The following MLLT3 variants were observed in gnomAD, a reference collection of about 807,000 sequenced individuals.
MLLT3 encodes the protein MLLT3 super elongation complex subunit.
In MLLT3, 4 loss-of-function variants were observed where a neutral mutation model predicts 53.2. The observed-to-expected ratio is 0.08, with a 90% CI of 0.04 to 0.17. The LOEUF is 0.17. Among genes scored for constraint, MLLT3 ranks in the 10% least tolerant of loss-of-function variants. MLLT3 has a pLI of 1.00. For synonymous variants in MLLT3, 283 were observed against 230.6 expected, an observed-to-expected ratio of 1.23 and a Z score of -2.06; for missense variants, 569 against 684.0, an observed-to-expected ratio of 0.83 and a Z score of 1.87.
intron 3 of MLLT3, among the ~76,000 whole-genome samples, chr9:20,455,794 T>C (rs1823951285): frequency 6.6e-6 from 1 of 152,164 alleles, no homozygotes; most frequent in South Asian, 2.1e-4. Flanking sequence ...TATCTAATCC[T>C]ACTAACCACC....
Position 20,413,814 on chromosome 9 carries a change from T to C in MLLT3, c.1032A>G (p.Thr344=). 1.2e-6 allele frequency: 2 copies of C among 1,614,080 alleles called. No individual in the cohort carries two copies. Among genetic ancestry groups the C allele is most frequent in the Non-Finnish European group, 1.7e-6 (2 of 1,179,978 alleles). Residue 344 remains threonine (T), a synonymous_variant, in exon 5 of 11, where the codon ACA becomes ACG. Coordinates refer to ENST00000380338, the MANE Select transcript of MLLT3 (RefSeq NM_004529.4). The part of the protein sequence containing the change: ...KMGKVKIESE[T]SEKKKSTLPP... ...GTAACGTTGATTTCTTCTTCTCTGATGTCTCACTTTCAATTTTGACCTTTC... is the reference window on the plus strand; with the variant it reads ...GTAACGTTGATTTCTTCTTCTCTGACGTCTCACTTTCAATTTTGACCTTTC...
intron 2 of MLLT3, among the ~76,000 whole-genome samples, chr9:20,572,291 T>C (rs1819549498): frequency 6.6e-6 from 1 of 152,046 alleles, no homozygotes; most frequent in African/African-American, 2.4e-5. Context: ...GGAGATCAAA[T>C]AGGAAGCTGA....
At chr9:20,523,859 T>A (rs960945574) in intron 2 of MLLT3, among the ~76,000 whole-genome samples, 2 of 151,812 alleles carry the variant, frequency 1.3e-5, no homozygotes, top group African/African-American at 4.8e-5. Flanking sequence ...TAGTCCCAGC[T>A]ACTTAGAAGG....
Position 20,448,073 on chromosome 9 carries a change from T to G in MLLT3, c.420+50A>C. ...ACTAGTTTGTTTGTTTTTTTTTTTG[T>G]TGTTGTTGTTTTTTAATAGGAATGC... On this transcript the variant is annotated intron_variant, in intron 4 of 10. Transcript: ENST00000380338. The surrounding 1 kb of genome is among the most constrained non-coding windows in gnomAD (Gnocchi z 4.0). 6.5e-7 allele frequency: 1 copy of G among 1,547,812 alleles called. No individual in the cohort carries two copies. The highest frequency in any genetic ancestry group is 8.7e-7 in the Non-Finnish European group (1 of 1,143,314).
intron 5 of MLLT3, among the ~76,000 whole-genome samples, chr9:20,369,930 T>C (rs1482241313): frequency 1.3e-5 from 2 of 152,218 alleles, no homozygotes; most frequent in African/African-American, 2.4e-5. Context: ...GTGTGAATGC[T>C]AAACCAAAAA....
intron 8 of MLLT3, among the ~76,000 whole-genome samples, chr9:20,357,350 T>C (rs1435071398): frequency 6.6e-6 from 1 of 152,212 alleles, no homozygotes; most frequent in Non-Finnish European, 1.5e-5. Flanking sequence ...CCATCTCTGG[T>C]TGAAATGACG....
At chr9:20,404,151 T>C (rs1822524376) in intron 5 of MLLT3, among the ~76,000 whole-genome samples, 1 of 152,186 alleles carries the variant, frequency 6.6e-6, no homozygotes, top group Non-Finnish European at 1.5e-5. Context: ...TAAGGTGGAC[T>C]TTGAGAAAGA....
chr9:20,580,018 A>T (rs548999171), intron 2 of MLLT3, among the ~76,000 whole-genome samples: 1 of 152,290 alleles, frequency 6.6e-6, no homozygotes, highest in Admixed American at 6.5e-5. Context: ...CAGTTACACT[A>T]AACAGGCCCA....
At chr9:20,417,393 C>T (rs943280690) in intron 4 of MLLT3, among the ~76,000 whole-genome samples, 3 of 146,908 alleles carry the variant, frequency 2.0e-5, no homozygotes, top group African/African-American at 5.0e-5. Flanking sequence ...ATATGTATAT[C>T]TGATATATAT....
At chr9:20,521,792 A>G (rs750351490) in intron 2 of MLLT3, among the ~76,000 whole-genome samples, 2 of 152,208 alleles carry the variant, frequency 1.3e-5, no homozygotes, top group African/African-American at 4.8e-5. Flanking sequence ...TCGTGATGCC[A>G]TAAGCAATTA....
intron 10 of MLLT3, among the ~76,000 whole-genome samples, chr9:20,352,191 C>T (rs1356622894): frequency 6.6e-6 from 1 of 152,198 alleles, no homozygotes; most frequent in East Asian, 1.9e-4. Flanking sequence ...ACTGATAGGG[C>T]TTTCTTTGTG....
At chr9:20,534,949 T>C (rs1818440712) in intron 2 of MLLT3, among the ~76,000 whole-genome samples, 1 of 151,704 alleles carries the variant, frequency 6.6e-6, no homozygotes, top group Admixed American at 6.6e-5. Flanking sequence ...AAAAATAGAT[T>C]AGGAACCAAA....
chr9:20,379,241 C>T (rs1295386201), intron 5 of MLLT3, among the ~76,000 whole-genome samples: 3 of 152,028 alleles, frequency 2.0e-5, no homozygotes, highest in Admixed American at 6.6e-5. Flanking sequence ...ACAGCCTGGA[C>T]GTTGAAAAGC....
intron 2 of MLLT3, among the ~76,000 whole-genome samples, chr9:20,514,751 G>A (rs752311451): frequency 3.9e-5 from 6 of 151,954 alleles, no homozygotes; most frequent in African/African-American, 7.3e-5. Flanking sequence ...AAAAGGAGTC[G>A]TTTGAGGAAA....
intron 2 of MLLT3, among the ~76,000 whole-genome samples, chr9:20,575,203 G>C (rs997524524): frequency 6.6e-6 from 1 of 152,100 alleles, no homozygotes; most frequent in African/African-American, 2.4e-5. Context: ...TCCTATTCGT[G>C]TTAATGTTCT....
At chr9:20,562,147 T>A (rs1274913745) in intron 2 of MLLT3, among the ~76,000 whole-genome samples, 1 of 152,148 alleles carries the variant, frequency 6.6e-6, no homozygotes, top group Non-Finnish European at 1.5e-5. Flanking sequence ...TACCATGTAA[T>A]GCAAGTTATG....
At chr9:20,402,647 G>A (rs914060606) in intron 5 of MLLT3, among the ~76,000 whole-genome samples, 15 of 152,146 alleles carry the variant, frequency 9.9e-5, no homozygotes, top group Admixed American at 3.9e-4. Flanking sequence ...GTCATTTTCC[G>A]TTTTGCCTAG....
intron 5 of MLLT3, among the ~76,000 whole-genome samples, chr9:20,370,021 C>A (rs978112980): frequency 5.3e-5 from 8 of 152,134 alleles, no homozygotes; most frequent in African/African-American, 1.9e-4. Flanking sequence ...ATTCTCACCA[C>A]CAAAAAAATG....
chr9:20,510,761 G>A, intron 2 of MLLT3, among the ~76,000 whole-genome samples: 1 of 151,718 alleles, frequency 6.6e-6, no homozygotes, highest in East Asian at 1.9e-4. Context: ...GAAAGCATTT[G>A]GTAAAATGTT....
Sources: allele counts gnomAD v4.1 joint callset (sites outside exome capture counted in the v4.1 genomes callset), GRCh38; gene constraint gnomAD v4.1.1; non-coding constraint Gnocchi (gnomAD v3.1); transcripts MANE v1.5; gene names NCBI Gene and HGNC (gene_info 2026-07-23, HGNC 2026-07-21).